The following MYO18B variants were observed in gnomAD, a reference collection of about 807,000 sequenced individuals.
The protein encoded by MYO18B is myosin XVIIIB, also known as unconventional myosin-XVIIIb.
Under a neutral mutation model 273.0 loss-of-function variants are expected in MYO18B, and 204 were observed. The ratio of observed to expected loss-of-function variants is 0.75; its 90% CI spans 0.67 to 0.84. MYO18B has a LOEUF of 0.84. Ranked by LOEUF, MYO18B falls within the 40% of genes least tolerant of loss-of-function variation. The probability of loss-of-function intolerance (pLI) is 0.00; values close to 1 mark genes in which losing one functional copy is unlikely to be tolerated. For synonymous variants in MYO18B, 1,330 were observed against 1,305.7 expected (o/e 1.02, Z -0.40); for missense variants, 3,212 against 3,287.6 (o/e 0.98, Z 0.56).
At chr22:26,044,593 A>G in the MYO18B span, among the ~76,000 whole-genome samples, 1 of 152,262 alleles carries the variant, frequency 6.6e-6, no homozygotes, top group Non-Finnish European at 1.5e-5. Flanking sequence ...CCATTTTCAC[A>G]TAGGATGACT....
At chr22:25,951,016 G>A (rs1299235807) in intron 37 of MYO18B, among the ~76,000 whole-genome samples, 2 of 152,178 alleles carry the variant, frequency 1.3e-5, no homozygotes, top group Non-Finnish European at 2.9e-5. Flanking sequence ...ATCCAGCACG[G>A]GAGAAAGATG....
chr22:26,014,902 G>GTT (rs113712872), intron 42 of MYO18B, among the ~76,000 whole-genome samples: 12 of 139,834 alleles, frequency 8.6e-5, no homozygotes, highest in African/African-American at 3.1e-4. Context: ...CTTTTTAATG[G>GTT]GTTTTTTTTT....
intron 34 of MYO18B, among the ~76,000 whole-genome samples, chr22:25,934,570 G>C (rs576189558): frequency 6.6e-6 from 1 of 152,108 alleles, no homozygotes; most frequent in Admixed American, 6.5e-5. Context: ...CAAGGTGGTC[G>C]GGGCACAGCT....
At chr22:26,038,606 C>G in the MYO18B span, among the ~76,000 whole-genome samples, 4 of 152,106 alleles carry the variant, frequency 2.6e-5, no homozygotes, top group Non-Finnish European at 5.9e-5. Flanking sequence ...GCAGGGTGCA[C>G]TTTAAGCGCT....
intron 21 of MYO18B, among the ~76,000 whole-genome samples, chr22:25,858,848 T>C (rs968964442): frequency 6.6e-6 from 1 of 152,172 alleles, no homozygotes; most frequent in Non-Finnish European, 1.5e-5. Context: ...ATCTTACTAG[T>C]TGTGAATTCG....
chr22:25,894,187 A>C (rs961622913), intron 27 of MYO18B, among the ~76,000 whole-genome samples: 4 of 152,238 alleles, frequency 2.6e-5, no homozygotes, highest in African/African-American at 7.2e-5. Context: ...AGCCCTGATC[A>C]TACTAGGCTT....
At chr22:25,846,549 T>C (rs951720446) in intron 19 of MYO18B, among the ~76,000 whole-genome samples, 1 of 152,106 alleles carries the variant, frequency 6.6e-6, no homozygotes, top group African/African-American at 2.4e-5. Context: ...CTGGGGGAGT[T>C]CCCAGAAGCT....
chr22:25,958,538 A>T (rs575057274), intron 39 of MYO18B, among the ~76,000 whole-genome samples: 1 of 152,090 alleles, frequency 6.6e-6, no homozygotes, highest in South Asian at 2.1e-4. Context: ...TTCTTGTATC[A>T]CTCATTTATT....
chr22:26,050,704 T>G, the MYO18B span, among the ~76,000 whole-genome samples: 13 of 152,354 alleles, frequency 8.5e-5, no homozygotes, highest in South Asian at 2.3e-3. Context: ...TTTTCTTATC[T>G]GTACAGTGAG....
chr22:25,878,445 C>T (rs1018070178), intron 25 of MYO18B, among the ~76,000 whole-genome samples: 12 of 152,066 alleles, frequency 7.9e-5, no homozygotes, highest in African/African-American at 2.4e-4. Flanking sequence ...TAGAAATTTG[C>T]AAACTGGAAA....
At chr22:25,747,307 C>T (rs1230979073) in intron 1 of MYO18B, among the ~76,000 whole-genome samples, 1 of 152,216 alleles carries the variant, frequency 6.6e-6, no homozygotes, top group Non-Finnish European at 1.5e-5. Flanking sequence ...CATTCCTATA[C>T]CCGTGCCAGA....
chr22:25,987,564 T>C (rs2093216112), intron 39 of MYO18B, among the ~76,000 whole-genome samples: 1 of 152,160 alleles, frequency 6.6e-6, no homozygotes, highest in South Asian at 2.1e-4. Context: ...TCGCCACTAA[T>C]AGTCATACAA....
At chr22:25,750,821 T>C (rs1418093748) in intron 1 of MYO18B, among the ~76,000 whole-genome samples, 1 of 152,088 alleles carries the variant, frequency 6.6e-6, no homozygotes, top group Non-Finnish European at 1.5e-5. Flanking sequence ...CATGGTGTCA[T>C]GGAGGAAGGT....
At chr22:25,913,121 G>C (rs879554107) in intron 33 of MYO18B, among the ~76,000 whole-genome samples, 1 of 152,124 alleles carries the variant, frequency 6.6e-6, no homozygotes, top group Non-Finnish European at 1.5e-5. Context: ...AAGAAGAATT[G>C]CTGGCTCCTG....
chr22:25,861,467 C>A (rs2090735041), intron 21 of MYO18B, among the ~76,000 whole-genome samples: 2 of 152,156 alleles, frequency 1.3e-5, no homozygotes, highest in Admixed American at 1.3e-4. Context: ...ATTAGTATAG[C>A]CACTCCAGCT....
At chr22:25,870,554 G>A (rs767104364) in intron 22 of MYO18B, among the ~76,000 whole-genome samples, 45 of 152,222 alleles carry the variant, frequency 3.0e-4, no homozygotes, top group Non-Finnish European at 4.4e-4. Context: ...TGACGGAAAT[G>A]TCATTAGGCG....
the MYO18B span, among the ~76,000 whole-genome samples, chr22:26,058,558 G>T: frequency 6.6e-6 from 1 of 152,336 alleles, no homozygotes; most frequent in East Asian, 1.9e-4. Context: ...CCCCAAAACT[G>T]GAGGTGGGGC....
At chr22:26,039,103 C>G in the MYO18B span, among the ~76,000 whole-genome samples, 1 of 150,958 alleles carries the variant, frequency 6.6e-6, no homozygotes, top group African/African-American at 2.5e-5. Context: ...ATCTGCTTTT[C>G]CATCTTCTCC....
chr22:25,868,686 G>T (rs2090961368), intron 22 of MYO18B, among the ~76,000 whole-genome samples: 1 of 152,178 alleles, frequency 6.6e-6, no homozygotes, highest in Non-Finnish European at 1.5e-5. Context: ...GTCTCAGAAA[G>T]AGCTGCCATA....
Sources: allele counts gnomAD v4.1 joint callset (sites outside exome capture counted in the v4.1 genomes callset), GRCh38; gene constraint gnomAD v4.1.1; transcripts MANE v1.5; gene names NCBI Gene and HGNC (gene_info 2026-07-23, HGNC 2026-07-21).